VBP1: variants seen among roughly 807,000 people sequenced by gnomAD.
VBP1 encodes the protein VHL binding protein 1.
Under a neutral mutation model 15.5 loss-of-function variants are expected in VBP1, and 4 were observed. The observed-to-expected ratio is 0.26, with a 90% CI of 0.13 to 0.59. The LOEUF (loss-of-function observed/expected upper bound fraction) is 0.59, where lower values mean the gene tolerates loss of function less well. Among genes scored for constraint, VBP1 ranks in the 20% least tolerant of loss-of-function variants. The probability of loss-of-function intolerance (pLI) is 0.90; values close to 1 mark genes in which losing one functional copy is unlikely to be tolerated. For synonymous variants in VBP1, 61 were observed against 52.1 expected (o/e 1.17, Z -0.74); for missense variants, 108 against 139.6 (o/e 0.77, Z 1.14).
intron 1 of VBP1, among the ~76,000 whole-genome samples, chrX:155,199,786 A>C (rs1557307153): frequency 1.8e-5 from 2 of 112,385 alleles, no homozygotes; most frequent in Non-Finnish European, 3.8e-5. Context: ...AATGGGCTAA[A>C]TGCTCCAATT....
At chrX:155,201,918 G>T (rs1341093303) in intron 1 of VBP1, among the ~76,000 whole-genome samples, 3 of 111,617 alleles carry the variant, frequency 2.7e-5, no homozygotes, top group Non-Finnish European at 3.8e-5. Context: ...AAAGTCTCAG[G>T]ATACAAAATC....
intron 2 of VBP1, among the ~76,000 whole-genome samples, chrX:155,224,595 A>AGAGGGC (rs1205803894): frequency 1.8e-5 from 2 of 111,886 alleles, no homozygotes; most frequent in African/African-American, 3.3e-5. Context: ...GACCATGCAA[A>AGAGGGC]GAGGGCGAGG....
chrX:155,215,479 T>G (rs1207268447), upstream of VBP1, among the ~76,000 whole-genome samples: 3 of 112,303 alleles, frequency 2.7e-5, no homozygotes, highest in Admixed American at 2.8e-4. Flanking sequence ...ACAGGTTCAC[T>G]GAGCTTTAGT....
chrX:155,226,388 G>A (rs782439526), intron 2 of VBP1, among the ~76,000 whole-genome samples: 3 of 111,554 alleles, frequency 2.7e-5, no homozygotes, highest in Non-Finnish European at 5.7e-5. Flanking sequence ...CCATTAAGTC[G>A]GATCAGTTGT....
chrX:155,216,833 C>T (rs2124063487), intron 1 of VBP1, among the ~76,000 whole-genome samples: 1 of 112,134 alleles, frequency 8.9e-6, no homozygotes, highest in Admixed American at 9.3e-5. Context: ...CGAGGGGCGG[C>T]GGGTGGCAGG....
intron 2 of VBP1, among the ~76,000 whole-genome samples, chrX:155,220,539 G>A (rs1286113589): frequency 9.0e-6 from 1 of 111,574 alleles, no homozygotes; most frequent in African/African-American, 3.3e-5. Context: ...TAATAGAATG[G>A]TTGTTAAAGA....
intron 2 of VBP1, among the ~76,000 whole-genome samples, chrX:155,209,210 T>G (rs967478134): frequency 3.3e-4 from 37 of 112,592 alleles, no homozygotes; most frequent in African/African-American, 1.2e-3. Flanking sequence ...ACTGGCTTCT[T>G]ATATTTATTC....
intron 1 of VBP1, among the ~76,000 whole-genome samples, chrX:155,205,842 A>G (rs1183766614): frequency 8.9e-6 from 1 of 111,784 alleles, no homozygotes; most frequent in Non-Finnish European, 1.9e-5. Context: ...GTATTAAAGG[A>G]CATTGAGGTT....
intron 1 of VBP1, among the ~76,000 whole-genome samples, chrX:155,203,040 C>G (rs1557307684): frequency 8.9e-6 from 1 of 112,175 alleles, no homozygotes; most frequent in Non-Finnish European, 1.9e-5. Flanking sequence ...CAGAGAAATG[C>G]AAATCAAAAC....
intron 2 of VBP1, among the ~76,000 whole-genome samples, chrX:155,211,118 C>T (rs1166011385): frequency 2.7e-5 from 3 of 111,754 alleles, no homozygotes; most frequent in African/African-American, 9.8e-5. Context: ...AGAATTTTTT[C>T]CAATGTGTAG....
intron 5 of VBP1, among the ~76,000 whole-genome samples, chrX:155,236,895 A>C (rs2074776211): frequency 8.9e-6 from 1 of 112,465 alleles, no homozygotes. Flanking sequence ...GCTAAGACAT[A>C]TGGGGCATGA....
intron 3 of VBP1, 27 bp from the exon 4 acceptor site, chrX:155,228,357 A>C: frequency 9.2e-7 from 1 of 1,084,278 alleles, no homozygotes; most frequent in Non-Finnish European, 1.3e-6. Flanking sequence ...TGTTTATGGT[A>C]CTGTCATTTT....
At chrX:155,225,480 G>A (rs1413260488) in intron 2 of VBP1, among the ~76,000 whole-genome samples, 1 of 112,154 alleles carries the variant, frequency 8.9e-6, no homozygotes, top group Non-Finnish European at 1.9e-5. Flanking sequence ...GATTACAGGC[G>A]TGAATCACTG....
upstream of VBP1, among the ~76,000 whole-genome samples, chrX:155,214,761 TC>T (rs782757665): frequency 1.1e-5 from 1 of 86,959 alleles, no homozygotes; most frequent in Non-Finnish European, 2.2e-5. Flanking sequence ...TTTTTTTTTT[TC>T]TTTTCCTTTT....
At chrX:155,233,423 C>G (rs1417045644) in intron 4 of VBP1, among the ~76,000 whole-genome samples, 1 of 111,887 alleles carries the variant, frequency 8.9e-6, no homozygotes, top group Non-Finnish European at 1.9e-5. Context: ...CACTTTAGAT[C>G]TTTCAAACTT....
intron 5 of VBP1, among the ~76,000 whole-genome samples, chrX:155,236,892 C>T (rs1404355825): frequency 1.8e-5 from 2 of 112,334 alleles, no homozygotes; most frequent in Non-Finnish European, 3.8e-5. Context: ...TGTGCTAAGA[C>T]ATATGGGGCA....
intron 1 of VBP1, among the ~76,000 whole-genome samples, chrX:155,205,178 A>C (rs781901089): frequency 8.9e-6 from 1 of 112,439 alleles, no homozygotes; most frequent in East Asian, 2.8e-4. Context: ...TATGCAATAC[A>C]ATACAGGTAA....
intron 4 of VBP1, among the ~76,000 whole-genome samples, chrX:155,235,174 C>T (rs1050608426): frequency 1.5e-4 from 16 of 108,602 alleles, no homozygotes; most frequent in African/African-American, 5.4e-4. Flanking sequence ...ATTTCAGGAA[C>T]ATTTTGTTGA....
intron 1 of VBP1, among the ~76,000 whole-genome samples, chrX:155,204,540 G>T (rs2074620009): frequency 9.0e-6 from 1 of 111,706 alleles, no homozygotes; most frequent in Non-Finnish European, 1.9e-5. Context: ...TTAAATGGAA[G>T]GTAATCCATC....
Sources: gnomAD v4.1 joint callset for allele counts (sites outside exome capture counted in the v4.1 genomes callset) on GRCh38, gnomAD v4.1.1 for gene constraint, MANE v1.5 for transcripts, NCBI Gene and HGNC (gene_info 2026-07-23, HGNC 2026-07-21) for gene names.